The following NTRK2 variants were observed in gnomAD, a reference collection of about 807,000 sequenced individuals.
NTRK2 encodes BDNF/NT-3 growth factors receptor.
Under a neutral mutation model 94.5 loss-of-function variants are expected in NTRK2, and 13 were observed. The ratio of observed to expected loss-of-function variants is 0.14; its 90% CI spans 0.09 to 0.22. The LOEUF (loss-of-function observed/expected upper bound fraction) is 0.22. Among genes scored for constraint, NTRK2 ranks in the 10% least tolerant of loss-of-function variants. The pLI is 1.00. For synonymous variants in NTRK2, 372 were observed against 407.4 expected (o/e 0.91, Z 1.05); for missense variants, 639 against 1,071.2 (o/e 0.60, Z 5.63).
intron 17 of NTRK2, among the ~76,000 whole-genome samples, chr9:84,994,354 A>G (rs1829466677): frequency 6.6e-6 from 1 of 152,224 alleles, no homozygotes; most frequent in South Asian, 2.1e-4. Context: ...TGTTCAATAA[A>G]TGAATGATTT....
chr9:84,940,611 C>T (rs918006300), intron 15 of NTRK2, among the ~76,000 whole-genome samples: 2 of 152,116 alleles, frequency 1.3e-5, no homozygotes, highest in Non-Finnish European at 2.9e-5. Context: ...CTGAGGTGGT[C>T]ACGTGGTACA....
chr9:84,752,152 A>G, intron 12 of NTRK2, 67 bp downstream of exon 12: 1 of 1,202,402 alleles, frequency 8.3e-7, no homozygotes, highest in South Asian at 1.2e-5. Context: ...AATGCTAATT[A>G]CCACTAAAGA....
chr9:84,878,934 C>T (rs2076172092), intron 14 of NTRK2, among the ~76,000 whole-genome samples: 1 of 152,154 alleles, frequency 6.6e-6, no homozygotes, highest in Admixed American at 6.5e-5. Flanking sequence ...CCTAATTGTC[C>T]TTCCTCACTG....
At position 84,690,253 on chromosome 9, in the gene NTRK2, C is replaced by T. The variant is rs113239909; in HGVS notation, c.213-11906C>T. Among the ~76,000 whole-genome samples, 287 of 152,294 alleles carry T rather than the reference C, an allele frequency of 1.9e-3. 3 individuals are homozygous for T. Among genetic ancestry groups the T allele is most frequent in the African/African-American group, 6.7e-3 (279 of 41,572 alleles). On this transcript the variant is annotated intron_variant, in intron 2 of 18. Transcript: ENST00000277120. ...AAATTTTACCACTGGAATCATTCTC[C>T]TCTCTTGACATTATGCTCATTTTTC... is the stretch of plus-strand genomic sequence containing the variant.
chr9:84,836,283 A>T (rs1030757926), intron 12 of NTRK2, among the ~76,000 whole-genome samples: 1 of 152,278 alleles, frequency 6.6e-6, no homozygotes, highest in South Asian at 2.1e-4. Flanking sequence ...AGCTCTTCCT[A>T]TGATCTGCCC....
intron 12 of NTRK2, chr9:84,814,455 T>C: frequency 9.4e-7 from 1 of 1,066,000 alleles, no homozygotes; most frequent in Non-Finnish European, 1.1e-6. Context: ...TTTCTCTCTC[T>C]CTCTAGTATT....
At chr9:84,934,731 T>C (rs2078157520) in intron 15 of NTRK2, among the ~76,000 whole-genome samples, 1 of 152,194 alleles carries the variant, frequency 6.6e-6, no homozygotes, top group African/African-American at 2.4e-5. Context: ...TCTCAGCCTC[T>C]GTGCCACTCA....
intron 15 of NTRK2, 94 bp from the exon 16 acceptor site, chr9:84,948,368 C>T (rs1588018508): frequency 1.5e-6 from 2 of 1,328,034 alleles, no homozygotes; most frequent in Non-Finnish European, 2.1e-6. Context: ...GCTGTTTTCT[C>T]ATCTTTTGCC....
chr9:84,826,124 A>G (rs1182921838), intron 12 of NTRK2, among the ~76,000 whole-genome samples: 5 of 152,256 alleles, frequency 3.3e-5, no homozygotes, highest in Non-Finnish European at 7.3e-5. Flanking sequence ...AGGGGCTGCC[A>G]TAACAAGTTA....
intron 12 of NTRK2, chr9:84,813,371 C>T: frequency 1.9e-6 from 2 of 1,050,460 alleles, no homozygotes; most frequent in Non-Finnish European, 2.3e-6. Context: ...AAAAAGTTGG[C>T]TCAATTATTT....
intron 2 of NTRK2, among the ~76,000 whole-genome samples, chr9:84,694,920 G>C (rs2060272637): frequency 6.6e-6 from 1 of 151,926 alleles, no homozygotes; most frequent in Admixed American, 6.6e-5. Context: ...GCTCACGTCT[G>C]TAATGCCAGC....
chr9:84,710,492 A>G (rs931921216), intron 5 of NTRK2, 145 bp from the exon 6 acceptor site: 23 of 806,780 alleles, frequency 2.9e-5, no homozygotes, highest in East Asian at 5.3e-5. Flanking sequence ...TGAAGGAATA[A>G]TAAGTACTGT....
chr9:84,998,430 C>T (rs1830003346), intron 17 of NTRK2, among the ~76,000 whole-genome samples: 1 of 152,230 alleles, frequency 6.6e-6, no homozygotes. Flanking sequence ...CCTACACCCA[C>T]CTGTCTGGCT....
chr9:84,923,490 GA>G (rs1192251683), intron 14 of NTRK2, among the ~76,000 whole-genome samples: 1 of 152,164 alleles, frequency 6.6e-6, no homozygotes, highest in African/African-American at 2.4e-5. Flanking sequence ...ACAGGTCAGG[GA>G]AGCCCCTGAA....
chr9:85,003,197 G>A (rs1830515039), intron 17 of NTRK2, among the ~76,000 whole-genome samples: 1 of 152,168 alleles, frequency 6.6e-6, no homozygotes, highest in Non-Finnish European at 1.5e-5. Context: ...AAAAAGGGAT[G>A]CAGTGCATTC....
At position 84,867,431 on chromosome 9, in the gene NTRK2, T is replaced by C. The variant is rs2132061493; in HGVS notation, c.1633T>C (p.Phe545Leu). 6.2e-7 allele frequency: 1 copy of C among 1,612,364 alleles called. No individual in the cohort carries two copies. The highest frequency in any genetic ancestry group is 8.5e-7 in the Non-Finnish European group (1 of 1,178,398). The change falls in exon 14 of 19, where the codon TTT becomes CTT. Residue 545 changes from phenylalanine (F) to leucine (L), a missense_variant and splice_region_variant. By Grantham distance (22) the Phe-to-Leu change is conservative. Coordinates refer to ENST00000277120, the MANE Select transcript of NTRK2 (RefSeq NM_006180.6). ...CAACAGTCAGCTCAAGCCAGACACA[T>C]GTAAGTACAGCTGTTTGTACTTATT... ...ITNSQLKPDTFVQHIKRHNIV... is the reference protein window; with the variant it reads ...ITNSQLKPDTLVQHIKRHNIV...
rs1025781530 is a variant in NTRK2 at position 85,023,736 on chromosome 9, C to T, written c.*2299C>T. 10 of 231,306 alleles carry T rather than the reference C, an allele frequency of 4.3e-5. No homozygotes were observed. Among genetic ancestry groups the T allele is most frequent in the African/African-American group, 6.6e-5 (3 of 45,276 alleles). The allele number at this position is 231,306 out of a possible 1,614,324, so 14.3% of individuals were successfully genotyped here. A position where few individuals can be genotyped will look rare whatever the true frequency, so the allele number is the denominator to read the frequency against. ...CTTAAAACACTGTAGAACTCTGTGACGCAGTAAGGAAGGGGCAGATTTGTA... is the reference window on the plus strand; with the variant it reads ...CTTAAAACACTGTAGAACTCTGTGATGCAGTAAGGAAGGGGCAGATTTGTA... On this transcript the variant is annotated 3_prime_UTR_variant, in exon 19 of 19. Transcript: ENST00000277120.
chr9:84,725,664 GTA>G (rs1033770688), intron 8 of NTRK2, among the ~76,000 whole-genome samples: 2 of 147,734 alleles, frequency 1.4e-5, no homozygotes, highest in Admixed American at 6.8e-5. Context: ...TATATATTAT[GTA>G]TATATATATG....
At chr9:84,989,305 T>G (rs1828756432) in intron 17 of NTRK2, among the ~76,000 whole-genome samples, 1 of 152,248 alleles carries the variant, frequency 6.6e-6, no homozygotes, top group African/African-American at 2.4e-5. Context: ...ATTATGTTCT[T>G]TGCTTCTTAA....
Sources: allele counts gnomAD v4.1 joint callset (sites outside exome capture counted in the v4.1 genomes callset), GRCh38; gene constraint gnomAD v4.1.1; transcripts MANE v1.5; gene names NCBI Gene and HGNC (gene_info 2026-07-23, HGNC 2026-07-21).